The following SOD2 variants were observed in gnomAD, a reference collection of about 807,000 sequenced individuals.
SOD2 encodes superoxide dismutase 2.
SOD2 carries 11 observed loss-of-function variants against 27.0 expected under a neutral mutation model. The observed-to-expected ratio is 0.41, with a 90% confidence interval of 0.26 to 0.67. The LOEUF (loss-of-function observed/expected upper bound fraction) is 0.67, where lower values mean the gene tolerates loss of function less well. Among genes scored for constraint, SOD2 ranks in the 30% least tolerant of loss-of-function variants. SOD2 has a pLI of 0.34. For missense variants in SOD2, 250 were observed against 274.5 expected (o/e 0.91, Z 0.63); for synonymous variants, 105 against 103.0 (o/e 1.02, Z -0.12).
At chr6:159,735,943 C>T (rs185999806) in intron 1 of SOD2, among the ~76,000 whole-genome samples, 1 of 152,142 alleles carries the variant, frequency 6.6e-6, no homozygotes, top group Non-Finnish European at 1.5e-5. Flanking sequence ...TCTCTTCACC[C>T]TTTATGGCGA....
At chr6:159,730,680 C>A (rs1318715024), upstream of SOD2, among the ~76,000 whole-genome samples, 1 of 152,196 alleles carries the variant, frequency 6.6e-6, no homozygotes, top group Admixed American at 6.5e-5. Context: ...GAAGGATTTT[C>A]TTTCTAAATA....
chr6:159,711,939 C>T (rs1405695950), intron 1 of SOD2, among the ~76,000 whole-genome samples: 4 of 127,226 alleles, frequency 3.1e-5, no homozygotes, highest in Non-Finnish European at 1.7e-5. Context: ...ACAACCACCA[C>T]TCACATTGCT....
rs1415397496 is a variant in SOD2, at chr6:159,675,194, T to C, written c.*7299A>G. The C allele has an allele frequency of 6.6e-6, 1 of 152,184 alleles. No individual in the cohort carries two copies. The highest frequency in any genetic ancestry group is 1.5e-5 in the Non-Finnish European group (1 of 68,054). 9.4% of individuals were successfully genotyped at this position (152,184 alleles called of 1,614,324 possible). ...TGCCCAAGGTAATTTATAGATTCAA[T>C]GCCATCCCCATCAAGCTACCCATGA... is the stretch of plus-strand genomic sequence containing the variant. On this transcript the variant is annotated 3_prime_UTR_variant, in exon 5 of 5. Coordinates refer to ENST00000538183, the MANE Select transcript of SOD2 (RefSeq NM_000636.4).
chr6:159,755,973 T>C (rs982659173), intron 1 of SOD2: 1 of 192,250 alleles, frequency 5.2e-6, no homozygotes, highest in East Asian at 1.5e-4. Context: ...GAATCTGTGC[T>C]GTGTAAGGGC....
At chr6:159,728,443 A>G (rs1026011119), upstream of SOD2, among the ~76,000 whole-genome samples, 3 of 152,180 alleles carry the variant, frequency 2.0e-5, no homozygotes, top group African/African-American at 7.2e-5. Flanking sequence ...AAAAACTATT[A>G]TTTAGTCTGG....
At chr6:159,744,318 G>T (rs529413154) in intron 1 of SOD2, among the ~76,000 whole-genome samples, 98 of 152,230 alleles carry the variant, frequency 6.4e-4, no homozygotes, top group Non-Finnish European at 1.2e-3. Context: ...TCCAGCTCTG[G>T]TAGTTTAGGC....
intron 1 of SOD2, chr6:159,755,760 CTTTTCT>C (rs1779986426): frequency 3.1e-5 from 9 of 286,812 alleles, no homozygotes; most frequent in African/African-American, 1.0e-4. Context: ...TTTTTTTTTT[CTTTTCT>C]TTTTTTTTTT....
At position 159,677,265 on chromosome 6, in the gene SOD2, C is replaced by T. The variant is rs1356337207; in HGVS notation, c.*5228G>A. Reference sequence around the variant, plus strand: ...CTAGCATGTCATAGGAACTTGAAAGCATTCGTGCTCCTTCCTTTTCACAAA... The same window carrying T: ...CTAGCATGTCATAGGAACTTGAAAGTATTCGTGCTCCTTCCTTTTCACAAA... On this transcript the variant is annotated 3_prime_UTR_variant, in exon 5 of 5. Coordinates refer to ENST00000538183, the MANE Select transcript of SOD2 (RefSeq NM_000636.4). 6.6e-6 allele frequency: 1 copy of T among 152,156 alleles called. No homozygotes were observed. The highest frequency in any genetic ancestry group is 1.9e-4 in the East Asian group (1 of 5,186). The allele number at this position is 152,156 out of a possible 1,614,324, so 9.4% of individuals were successfully genotyped here. A position where few individuals can be genotyped will look rare whatever the true frequency, so the allele number is the denominator to read the frequency against.
intron 1 of SOD2, among the ~76,000 whole-genome samples, chr6:159,756,919 T>C (rs1780022507): frequency 6.6e-6 from 1 of 152,162 alleles, no homozygotes; most frequent in Non-Finnish European, 1.5e-5. Flanking sequence ...TGAGTTTTAA[T>C]TGAAAAGCAG....
chr6:159,735,126 A>G (rs1015968975), intron 1 of SOD2, among the ~76,000 whole-genome samples: 1 of 152,142 alleles, frequency 6.6e-6, no homozygotes, highest in African/African-American at 2.4e-5. Flanking sequence ...GGTGTGACAT[A>G]CATGTGTATG....
intron 1 of SOD2, among the ~76,000 whole-genome samples, chr6:159,739,369 A>G (rs749146057): frequency 4.6e-5 from 7 of 152,226 alleles, no homozygotes; most frequent in Non-Finnish European, 8.8e-5. Flanking sequence ...ATAATTTACT[A>G]ATGAAGTGAG....
intron 1 of SOD2, among the ~76,000 whole-genome samples, chr6:159,718,619 G>T (rs1245756060): frequency 6.6e-6 from 1 of 152,168 alleles, no homozygotes; most frequent in Non-Finnish European, 1.5e-5. Context: ...ATTGGGTTAT[G>T]TTGCATTGCT....
At chr6:159,726,729 G>A in intron 1 of SOD2, 1 of 1,269,878 alleles carries the variant, frequency 7.9e-7, no homozygotes, top group Non-Finnish European at 1.0e-6. Context: ...TCCGACGCCA[G>A]AGAACAATAG....
chr6:159,722,947 C>G (rs1355911707), intron 1 of SOD2, among the ~76,000 whole-genome samples: 3 of 152,214 alleles, frequency 2.0e-5, no homozygotes, highest in Non-Finnish European at 4.4e-5. Flanking sequence ...TCACTTCTAG[C>G]TTATGCCCAT....
At chr6:159,685,966 C>T (rs1360830792) in intron 3 of SOD2, among the ~76,000 whole-genome samples, 1 of 152,140 alleles carries the variant, frequency 6.6e-6, no homozygotes, top group African/African-American at 2.4e-5. Flanking sequence ...TTGACTTCTA[C>T]CCTCCTTCTT....
At position 159,677,055 on chromosome 6, in the gene SOD2, A is replaced by T. The variant is rs557208027; in HGVS notation, c.*5438T>A. 1 of 152,346 alleles carries T rather than the reference A, an allele frequency of 6.6e-6. No individual in the cohort carries two copies. The highest frequency in any genetic ancestry group is 1.9e-4 in the East Asian group (1 of 5,186). The allele number at this position is 152,346 out of a possible 1,614,324, so 9.4% of individuals were successfully genotyped here. A position where few individuals can be genotyped will look rare whatever the true frequency, so the allele number is the denominator to read the frequency against. On this transcript the variant is annotated 3_prime_UTR_variant, in exon 5 of 5. Coordinates refer to ENST00000538183, the MANE Select transcript of SOD2 (RefSeq NM_000636.4). ...TGGGGATACCCATATTTACAATATG[A>T]TAAATACATTAAGTCACATTGTTTA...
At chr6:159,704,479 TCCTGTG>T (rs1777584052) in intron 1 of SOD2, among the ~76,000 whole-genome samples, 1 of 152,206 alleles carries the variant, frequency 6.6e-6, no homozygotes, top group Admixed American at 6.5e-5. Flanking sequence ...GGAGATTATA[TCCTGTG>T]CCTGGCTCAG....
At chr6:159,739,184 C>A in intron 1 of SOD2, 1 of 630,330 alleles carries the variant, frequency 1.6e-6, no homozygotes, top group South Asian at 2.9e-5. Context: ...TTTGAGCATA[C>A]TATGACCTAT....
chr6:159,694,802 C>T (rs560344422), upstream of SOD2, among the ~76,000 whole-genome samples: 12 of 149,924 alleles, frequency 8.0e-5, no homozygotes, highest in Non-Finnish European at 1.6e-4. Flanking sequence ...CGGGGTTTCA[C>T]TATGTTGGTC....
Sources: gnomAD v4.1 joint callset for allele counts (sites outside exome capture counted in the v4.1 genomes callset) on GRCh38, gnomAD v4.1.1 for gene constraint, MANE v1.5 for transcripts, NCBI Gene and HGNC (gene_info 2026-07-23, HGNC 2026-07-21) for gene names.